The following POU2AF1 variants were observed in gnomAD, a reference collection of about 807,000 sequenced individuals.
POU2AF1 encodes the protein POU domain class 2-associating factor 1.
In POU2AF1, 12 loss-of-function variants were observed where a neutral mutation model predicts 26.3. The observed-to-expected ratio is 0.46, with a 90% CI of 0.29 to 0.74. POU2AF1 has a LOEUF of 0.74. POU2AF1 is among the 30% of genes least tolerant of loss of function. The pLI is 0.09. For synonymous variants in POU2AF1, 175 were observed against 148.0 expected (o/e 1.18, Z -1.32); for missense variants, 297 against 334.5 (o/e 0.89, Z 0.87).
At position 111,353,048 on chromosome 11, in the gene POU2AF1, A is replaced by AGGAG. The variant is rs1860766115; in HGVS notation, c.*1212_*1213insCTCC. ...AAGGAAGGAAGGAAGGAAGGAAGGAAGGAAGGAAAGAAACAAAACCCACAT... is the reference window on the plus strand; with the variant it reads ...AAGGAAGGAAGGAAGGAAGGAAGGAAGGAGGGAAGGAAAGAAACAAAACCCACAT... On this transcript the variant is annotated 3_prime_UTR_variant, in exon 5 of 5. Coordinates refer to ENST00000393067, the MANE Select transcript of POU2AF1 (RefSeq NM_006235.3). The AGGAG allele has an allele frequency of 5.4e-6, 1 of 186,240 alleles. No individual in the cohort carries two copies. The highest frequency in any genetic ancestry group is 1.0e-5 in the Non-Finnish European group (1 of 99,106). The allele number at this position is 186,240 out of a possible 1,614,324, so 11.5% of individuals were successfully genotyped here. A position where few individuals can be genotyped will look rare whatever the true frequency, so the allele number is the denominator to read the frequency against.
intron 1 of POU2AF1, chr11:111,363,189 TG>T: frequency 3.9e-6 from 4 of 1,014,814 alleles, no homozygotes; most frequent in Non-Finnish European, 4.7e-6. Context: ...CTCTTCCTAT[TG>T]ACGTTGCAGG....
intron 1 of POU2AF1, among the ~76,000 whole-genome samples, chr11:111,369,709 C>G (rs1861172331): frequency 6.6e-6 from 1 of 152,186 alleles, no homozygotes; most frequent in South Asian, 2.1e-4. Flanking sequence ...GACCTACCGT[C>G]CCAGACCAGA....
In POU2AF1 at chr11:111,354,173, A is replaced by G; in HGVS notation, c.*88T>C. 7.1e-7 allele frequency: 1 copy of G among 1,412,146 alleles called. No homozygotes were observed. The highest frequency in any genetic ancestry group is 1.3e-5 in the South Asian group (1 of 79,686). The allele number at this position is 1,412,146 out of a possible 1,614,324, so 87.5% of individuals were successfully genotyped here. A position where few individuals can be genotyped will look rare whatever the true frequency, so the allele number is the denominator to read the frequency against. ...TAGAAAGTGTAGTCATGAAATGACT[A>G]CTCCAAACAAGCATGAACCTGGGGC... On this transcript the variant is annotated 3_prime_UTR_variant, in exon 5 of 5. Transcript: ENST00000393067.
rs560041356 is a variant in POU2AF1 at position 111,359,468 on chromosome 11, A to G, written c.17-550T>C. The G allele has an allele frequency of 1.8e-4, 32 of 181,964 alleles. 1 individual carries two copies. In the South Asian group the frequency reaches 3.7e-3, roughly 21 times the overall value. The allele number at this position is 181,964 out of a possible 1,614,324, so 11.3% of individuals were successfully genotyped here. Reference sequence around the variant, plus strand: ...TCATAGGTGGCAGTAGAGGACAGCCATAAGAGCAGGGACTCTGAGCCAGAT... The same window carrying G: ...TCATAGGTGGCAGTAGAGGACAGCCGTAAGAGCAGGGACTCTGAGCCAGAT... On this transcript the variant is annotated intron_variant, in intron 1 of 4. Coordinates refer to ENST00000393067, the MANE Select transcript of POU2AF1 (RefSeq NM_006235.3).
intron 1 of POU2AF1, among the ~76,000 whole-genome samples, chr11:111,378,284 C>G (rs941190493): frequency 6.6e-6 from 1 of 152,072 alleles, no homozygotes; most frequent in Non-Finnish European, 1.5e-5. Flanking sequence ...TTTAAGGAAC[C>G]AAGAATCTTT....
chr11:111,371,593 A>G (rs1237392356), intron 1 of POU2AF1, among the ~76,000 whole-genome samples: 2 of 152,222 alleles, frequency 1.3e-5, no homozygotes, highest in Non-Finnish European at 2.9e-5. Flanking sequence ...AAGACTGGAG[A>G]TGTGTGCCCT....
chr11:111,361,618 G>A (rs1038032698), intron 1 of POU2AF1, among the ~76,000 whole-genome samples: 4 of 152,112 alleles, frequency 2.6e-5, no homozygotes, highest in South Asian at 2.1e-4. Context: ...CCTTCCTTTC[G>A]GGGGGATATT....
intron 1 of POU2AF1, among the ~76,000 whole-genome samples, chr11:111,367,670 A>G (rs1861130500): frequency 6.6e-6 from 1 of 152,110 alleles, no homozygotes; most frequent in Admixed American, 6.6e-5. Flanking sequence ...GCTCCAGTTA[A>G]AGTCTGGGCT....
intron 1 of POU2AF1, among the ~76,000 whole-genome samples, chr11:111,368,632 G>A (rs1301922136): frequency 6.6e-6 from 1 of 152,184 alleles, no homozygotes; most frequent in Non-Finnish European, 1.5e-5. Context: ...AACTGGGAGA[G>A]GAAGAAGGAC....
chr11:111,361,173 G>A (rs1401209081), intron 1 of POU2AF1, among the ~76,000 whole-genome samples: 1 of 148,866 alleles, frequency 6.7e-6, no homozygotes, highest in Non-Finnish European at 1.5e-5. Context: ...GACCCATGGA[G>A]CCCCCGCCCA....
intron 2 of POU2AF1, among the ~76,000 whole-genome samples, chr11:111,358,412 ACACACACGCT>A (rs1565360769): frequency 1.1e-4 from 12 of 106,304 alleles, no homozygotes; most frequent in South Asian, 2.7e-4. Context: ...ATACTCTCTC[ACACACACGCT>A]CACACTCTCA....
intron 1 of POU2AF1, among the ~76,000 whole-genome samples, chr11:111,364,816 A>C (rs1861074339): frequency 6.6e-6 from 1 of 152,216 alleles, no homozygotes; most frequent in Non-Finnish European, 1.5e-5. Context: ...GCAGCACCAC[A>C]GTGAGGGATG....
chr11:111,362,086 G>C (rs899594766), intron 1 of POU2AF1, among the ~76,000 whole-genome samples: 1 of 152,144 alleles, frequency 6.6e-6, no homozygotes, highest in Non-Finnish European at 1.5e-5. Context: ...ACAATCTGAC[G>C]TGTCAGCGAA....
chr11:111,358,768 T>C lies in POU2AF1; in HGVS notation c.147+20A>G, dbSNP rs1591193224. The C allele has an allele frequency of 1.9e-6, 3 of 1,559,836 alleles. No homozygotes were observed. The highest frequency in any genetic ancestry group is 2.6e-6 in the Non-Finnish European group (3 of 1,157,390). The stretch of plus-strand genomic sequence containing the variant: ...CTTTCACACACACACACTCACACTC[T>C]CACACACACAAACTCTCACCGCCGT... On this transcript the variant is annotated intron_variant, in intron 2 of 4. Transcript: ENST00000393067.
Position 111,358,907 on chromosome 11 carries a change from C to T in POU2AF1, c.28G>A (p.Glu10Lys), listed in dbSNP as rs755989118. Residue 10 changes from glutamate (E) to lysine (K), a missense_variant, in exon 2 of 5, where the codon GAG becomes AAG. Transcript: ENST00000393067. The part of the protein sequence containing the change: MLWQKPTAP[E>K]QAPAPARPYQ... The stretch of plus-strand genomic sequence containing the variant: ...GGCCGGGCCGGGGCTGGGGCTTGCT[C>T]CGGAGCTGTGGCTGTGAAAAGCAAT... The T allele has an allele frequency of 5.0e-6, 8 of 1,604,374 alleles. No individual in the cohort carries two copies. Among genetic ancestry groups the T allele is most frequent in the Non-Finnish European group, 6.8e-6 (8 of 1,179,100 alleles).
Position 111,352,978 on chromosome 11 carries a change from GA to G in POU2AF1, c.*1282del. The G allele has an allele frequency of 1.5e-5, 1 of 67,726 alleles. No homozygotes were observed. 4.2% of individuals were successfully genotyped at this position (67,726 alleles called of 1,614,324 possible). The stretch of plus-strand genomic sequence containing the variant: ...AAGAAAGAGAGAGGAAGGAAGGAAG[GA>G]AGGAAGGAAGGAAAGAAGGAAGGAA... On this transcript the variant is annotated 3_prime_UTR_variant, in exon 5 of 5. Coordinates refer to ENST00000393067, the MANE Select transcript of POU2AF1 (RefSeq NM_006235.3).
At position 111,373,504 on chromosome 11, in the gene POU2AF1, A is replaced by G. The variant is rs534713990; in HGVS notation, c.16+5658T>C. On this transcript the variant is annotated intron_variant, in intron 1 of 4. Coordinates refer to ENST00000393067, the MANE Select transcript of POU2AF1 (RefSeq NM_006235.3). The stretch of plus-strand genomic sequence containing the variant: ...TGCCCTAAGCAGATAGAAGAATCCC[A>G]TCTATTAAATTAAGGACTTCTGATT... 3.9e-5 allele frequency among the ~76,000 whole-genome samples: 6 copies of G among 152,328 alleles called. No homozygotes were observed. In the South Asian group the frequency reaches 1.2e-3, roughly 32 times the overall value.
intron 1 of POU2AF1, among the ~76,000 whole-genome samples, chr11:111,372,596 T>C (rs1296341907): frequency 1.3e-5 from 2 of 152,234 alleles, no homozygotes; most frequent in Non-Finnish European, 2.9e-5. Context: ...ATCTTCATGA[T>C]TCAGTTTCCT....
At chr11:111,365,961 A>T (rs1861098066) in intron 1 of POU2AF1, among the ~76,000 whole-genome samples, 1 of 152,172 alleles carries the variant, frequency 6.6e-6, no homozygotes, top group Admixed American at 6.5e-5. Flanking sequence ...TGGCTAAAGG[A>T]TTATTCACAT....
Sources: allele counts gnomAD v4.1 joint callset (sites outside exome capture counted in the v4.1 genomes callset), GRCh38; gene constraint gnomAD v4.1.1; transcripts MANE v1.5; gene names NCBI Gene and HGNC (gene_info 2026-07-23, HGNC 2026-07-21).